HRK: variants seen among roughly 807,000 people sequenced by gnomAD.
HRK encodes activator of apoptosis harakiri.
A neutral mutation model predicts 5.9 loss-of-function variants in HRK; 6 were observed. That is an observed-to-expected ratio of 1.02 (90% CI 0.56 to 2.01). The LOEUF (loss-of-function observed/expected upper bound fraction) is 2.01, where lower values mean the gene tolerates loss of function less well. HRK is among the 30% of genes most tolerant of loss of function. HRK has a pLI of 0.00. For synonymous variants in HRK, 85 were observed against 65.1 expected (o/e 1.31, Z -1.47); for missense variants, 133 against 128.3 (o/e 1.04, Z -0.18).
At chr12:116,861,553 C>G (rs1228670757) in intron 1 of HRK, 87 bp from the exon 2 acceptor site, 1 of 152,222 alleles carries the variant, frequency 6.6e-6, no homozygotes, top group South Asian at 2.1e-4. Context: ...CGCTCAGCCC[C>G]GGATGTCGGG....
At chr12:116,877,509 AT>A (rs779909745) in intron 1 of HRK, among the ~76,000 whole-genome samples, 3 of 152,222 alleles carry the variant, frequency 2.0e-5, no homozygotes, top group Non-Finnish European at 4.4e-5. Context: ...TCTCTTAACC[AT>A]TATTCTCTCC....
rs1203478058 is a variant in HRK at position 116,860,243 on chromosome 12, G to A, written c.*1280C>T. 1 of 152,218 alleles carries A rather than the reference G, an allele frequency of 6.6e-6. No homozygotes were observed. Among genetic ancestry groups the A allele is most frequent in the Non-Finnish European group, 1.5e-5 (1 of 68,062 alleles). The allele number at this position is 152,218 out of a possible 1,614,324, so 9.4% of individuals were successfully genotyped here. A position where few individuals can be genotyped will look rare whatever the true frequency, so the allele number is the denominator to read the frequency against. Reference sequence around the variant, plus strand: ...AATCACTGCTCCCTGAAGAGTCTTTGCAGCCAAGTCTCCGTCCAGCACACA... The same window carrying A: ...AATCACTGCTCCCTGAAGAGTCTTTACAGCCAAGTCTCCGTCCAGCACACA... On this transcript the variant is annotated 3_prime_UTR_variant, in exon 2 of 2. Transcript: ENST00000257572.
chr12:116,875,445 C>A (rs1382284869), intron 1 of HRK, among the ~76,000 whole-genome samples: 1 of 152,168 alleles, frequency 6.6e-6, no homozygotes, highest in African/African-American at 2.4e-5. Flanking sequence ...ATCCACAGTG[C>A]CCTATACACA....
rs1278537497 is a variant in HRK at position 116,862,842 on chromosome 12, G to A, written c.*57-1376C>T. On this transcript the variant is annotated intron_variant, in intron 1 of 1. Coordinates refer to ENST00000257572, the MANE Select transcript of HRK (RefSeq NM_003806.4). The surrounding 1 kb of genome is among the most constrained non-coding windows in gnomAD (Gnocchi z 4.0). ...TGCCTCCTGGGTTCAAGCAACCTCTGCCTCCTGCCTCAGCCTCCCAAGTAG... is the reference window on the plus strand; with the variant it reads ...TGCCTCCTGGGTTCAAGCAACCTCTACCTCCTGCCTCAGCCTCCCAAGTAG... Among the ~76,000 whole-genome samples the A allele has an allele frequency of 1.3e-5, 2 of 152,034 alleles. No individual in the cohort carries two copies. The highest frequency in any genetic ancestry group is 1.3e-4 in the Admixed American group (2 of 15,258).
At position 116,881,334 on chromosome 12, in the gene HRK, GC is replaced by G; in HGVS notation, c.-28del. On this transcript the variant is annotated 5_prime_UTR_variant, in exon 1 of 2. Coordinates refer to ENST00000257572, the MANE Select transcript of HRK (RefSeq NM_003806.4). ...ACCGCTGGCCTCGCTCCCGCCCCGC[GC>G]TCGGGCCGCCCCTCGCCTCCTCTCC... 9.4e-7 allele frequency: 1 copy of G among 1,062,170 alleles called. No individual in the cohort carries two copies. Among genetic ancestry groups the G allele is most frequent in the Non-Finnish European group, 1.1e-6 (1 of 880,980 alleles). 65.8% of individuals were successfully genotyped at this position (1,062,170 alleles called of 1,614,324 possible).
chr12:116,868,838 G>T (rs1405217958), intron 1 of HRK, among the ~76,000 whole-genome samples: 1 of 152,206 alleles, frequency 6.6e-6, no homozygotes, highest in Non-Finnish European at 1.5e-5. Flanking sequence ...AGTGGCCTAA[G>T]TAGGCCCTTG....
chr12:116,878,764 G>A lies in HRK; in HGVS notation c.*56+2212C>T, dbSNP rs1341761712. The stretch of plus-strand genomic sequence containing the variant: ...TGCAGGGGACGCCCGGGCGGGACAA[G>A]GCAGGTAGGAGAAGAACCCAGAGGT... On this transcript the variant is annotated intron_variant, in intron 1 of 1. Transcript: ENST00000257572. This position sits in a 1 kb window ranked among gnomAD's most constrained non-coding sequence, Gnocchi z 4.4. 5.3e-5 allele frequency among the ~76,000 whole-genome samples: 8 copies of A among 152,330 alleles called. No homozygotes were observed. In the South Asian group the frequency reaches 8.3e-4, roughly 16 times the overall value.
chr12:116,876,178 G>A (rs1057428703), intron 1 of HRK, among the ~76,000 whole-genome samples: 1 of 152,120 alleles, frequency 6.6e-6, no homozygotes, highest in Admixed American at 6.5e-5. Flanking sequence ...CTCACTATGC[G>A]AGCGGATGAC....
At position 116,871,264 on chromosome 12, in the gene HRK, C is replaced by T. The variant is rs141468983; in HGVS notation, c.*56+9712G>A. Among the ~76,000 whole-genome samples the T allele has an allele frequency of 6.1e-5, 9 of 148,110 alleles. No homozygotes were observed. The East Asian group carries it at 8.2e-4, about 13-fold the overall frequency. ...GAGCCACCACACCCAGCCAAAAGAA[C>T]GCTAAATATGTTTTGATATCAAAGT... is the stretch of plus-strand genomic sequence containing the variant. On this transcript the variant is annotated intron_variant, in intron 1 of 1. Transcript: ENST00000257572.
rs1447463866 is a variant in HRK at position 116,862,912 on chromosome 12, A to G, written c.*57-1446T>C. Among the ~76,000 whole-genome samples the G allele has an allele frequency of 1.3e-5, 2 of 151,960 alleles. No individual in the cohort carries two copies. The highest frequency in any genetic ancestry group is 2.9e-5 in the Non-Finnish European group (2 of 68,006). On this transcript the variant is annotated intron_variant, in intron 1 of 1. Transcript: ENST00000257572. This position sits in a 1 kb window ranked among gnomAD's most constrained non-coding sequence, Gnocchi z 4.0. ...CCATCATGCCCGGCTAAATTTTTGT[A>G]TTTTTAGTAGAGACTGAGTTTTGCC...
At chr12:116,875,605 G>A (rs1274533671) in intron 1 of HRK, among the ~76,000 whole-genome samples, 5 of 151,990 alleles carry the variant, frequency 3.3e-5, no homozygotes, top group African/African-American at 9.7e-5. Flanking sequence ...GTACAGTGGC[G>A]CGATCTCGGC....
At chr12:116,863,075 G>A (rs1345829494) in intron 1 of HRK, among the ~76,000 whole-genome samples, 1 of 152,178 alleles carries the variant, frequency 6.6e-6, no homozygotes, top group Non-Finnish European at 1.5e-5. Flanking sequence ...GTTAGCGGGG[G>A]AGATAAGAAC....
At chr12:116,871,741 T>C (rs1392201412) in intron 1 of HRK, among the ~76,000 whole-genome samples, 1 of 150,910 alleles carries the variant, frequency 6.6e-6, no homozygotes, top group African/African-American at 2.4e-5. Context: ...GATCCTCCCA[T>C]CTCAGCCTCC....
intron 1 of HRK, among the ~76,000 whole-genome samples, chr12:116,870,835 T>C (rs1243115065): frequency 6.7e-6 from 1 of 149,326 alleles, no homozygotes; most frequent in Non-Finnish European, 1.5e-5. Flanking sequence ...GAATGAGATA[T>C]GGGAGCCAAC....
rs1212327425 is a variant in HRK, at chr12:116,878,212, G to A, written c.*56+2764C>T. Among the ~76,000 whole-genome samples the A allele has an allele frequency of 6.6e-6, 1 of 152,212 alleles. No individual in the cohort carries two copies. Among genetic ancestry groups the A allele is most frequent in the Non-Finnish European group, 1.5e-5 (1 of 68,042 alleles). On this transcript the variant is annotated intron_variant, in intron 1 of 1. Coordinates refer to ENST00000257572, the MANE Select transcript of HRK (RefSeq NM_003806.4). This position sits in a 1 kb window ranked among gnomAD's most constrained non-coding sequence, Gnocchi z 4.4. The stretch of plus-strand genomic sequence containing the variant: ...ATTACAGGCGTGAGCCAACCTGCCT[G>A]GCCTGTATGTTGAAAATATTGATTC...
chr12:116,873,067 C>A (rs1331368479), intron 1 of HRK, among the ~76,000 whole-genome samples: 1 of 152,216 alleles, frequency 6.6e-6, no homozygotes, highest in Non-Finnish European at 1.5e-5. Flanking sequence ...CTCAGACCTT[C>A]TGCTCAAAGC....
In HRK at chr12:116,861,032, C is replaced by A. The variant is rs1341399929; in HGVS notation, c.*491G>T. On this transcript the variant is annotated 3_prime_UTR_variant, in exon 2 of 2. Coordinates refer to ENST00000257572, the MANE Select transcript of HRK (RefSeq NM_003806.4). ...GCCTTTTGCACTGTTACCTCTTATT[C>A]CACCAGCATCTATCCCCAGGCAGTT... 6.6e-6 allele frequency: 1 copy of A among 152,056 alleles called. No homozygotes were observed. Among genetic ancestry groups the A allele is most frequent in the Non-Finnish European group, 1.5e-5 (1 of 68,020 alleles). 9.4% of individuals were successfully genotyped at this position (152,056 alleles called of 1,614,324 possible).
At position 116,857,918 on chromosome 12, in the gene HRK, G is replaced by C. The variant is rs1330194272; in HGVS notation, c.*3605C>G. On this transcript the variant is annotated 3_prime_UTR_variant, in exon 2 of 2. Transcript: ENST00000257572. ...AAAATACAAAAATTAGCCGAGCGTG[G>C]TGGTGGGTGCCTGTAATCCCAGCTA... 6.6e-6 allele frequency: 1 copy of C among 152,092 alleles called. No individual in the cohort carries two copies. The highest frequency in any genetic ancestry group is 1.5e-5 in the Non-Finnish European group (1 of 68,082). 9.4% of individuals were successfully genotyped at this position (152,092 alleles called of 1,614,324 possible).
chr12:116,876,449 T>C (rs1878931336), intron 1 of HRK, among the ~76,000 whole-genome samples: 1 of 152,210 alleles, frequency 6.6e-6, no homozygotes, highest in Admixed American at 6.5e-5. Context: ...GGCCAGGCTG[T>C]CATTAATTCA....
Sources: gnomAD v4.1 joint callset for allele counts (sites outside exome capture counted in the v4.1 genomes callset) on GRCh38, gnomAD v4.1.1 for gene constraint, Gnocchi (gnomAD v3.1) non-coding constraint, MANE v1.5 for transcripts, NCBI Gene and HGNC (gene_info 2026-07-23, HGNC 2026-07-21) for gene names.